The following PSD3 variants were observed in gnomAD, a reference collection of about 807,000 sequenced individuals.
PSD3 encodes the protein pleckstrin and Sec7 domain containing 3.
In PSD3, 49 loss-of-function variants were observed where a neutral mutation model predicts 105.5. That is an observed-to-expected ratio of 0.46 (90% CI 0.37 to 0.59). PSD3 has a LOEUF of 0.59. PSD3 is among the 20% of genes least tolerant of loss of function. The pLI is 0.00. For missense variants in PSD3, 1,561 were observed against 1,263.8 expected (o/e 1.24, Z -3.57); for synonymous variants, 557 against 457.8 (o/e 1.22, Z -2.77).
intron 4 of PSD3, among the ~76,000 whole-genome samples, chr8:18,809,562 C>A (rs555512058): frequency 6.6e-6 from 1 of 152,314 alleles, no homozygotes; most frequent in South Asian, 2.1e-4. Context: ...CCAAATACTG[C>A]ACAGGACATA....
At chr8:18,994,864 T>A (rs28430594) in intron 1 of PSD3, among the ~76,000 whole-genome samples, 1 of 151,530 alleles carries the variant, frequency 6.6e-6, no homozygotes, top group Non-Finnish European at 1.5e-5. Context: ...AGAAACTAAA[T>A]GTAGAATTTA....
chr8:18,774,474 C>G (rs998822420), intron 8 of PSD3: 2 of 217,604 alleles, frequency 9.2e-6, no homozygotes, highest in Non-Finnish European at 1.8e-5. Context: ...CGTGTTCCTT[C>G]TAACTGTATT....
At chr8:19,074,460 T>C (rs62499160) in intron 1 of PSD3, among the ~76,000 whole-genome samples, 1 of 151,994 alleles carries the variant, frequency 6.6e-6, no homozygotes, top group Non-Finnish European at 1.5e-5. Context: ...TCTTAAATGA[T>C]GCATATTTTT....
intron 8 of PSD3, among the ~76,000 whole-genome samples, chr8:18,767,857 C>G (rs1807153079): frequency 6.6e-6 from 1 of 152,074 alleles, no homozygotes; most frequent in African/African-American, 2.4e-5. Context: ...TCACGCTATT[C>G]TTTCGTAAAA....
At chr8:19,010,993 T>C (rs1826925341) in intron 1 of PSD3, among the ~76,000 whole-genome samples, 2 of 151,274 alleles carry the variant, frequency 1.3e-5, no homozygotes, top group African/African-American at 4.9e-5. Context: ...ATAAGCCTGA[T>C]TCACATACTA....
intron 8 of PSD3, among the ~76,000 whole-genome samples, chr8:18,793,238 G>A (rs773021364): frequency 2.6e-5 from 4 of 151,908 alleles, no homozygotes; most frequent in Non-Finnish European, 5.9e-5. Flanking sequence ...AAGTTAACAG[G>A]TGCAGCACAC....
chr8:18,921,963 T>C (rs372209747), intron 2 of PSD3, among the ~76,000 whole-genome samples: 27 of 152,246 alleles, frequency 1.8e-4, no homozygotes, highest in African/African-American at 6.5e-4. Context: ...TTACATGAAA[T>C]CTCCCAGTTT....
At chr8:18,701,568 T>C (rs959242366) in intron 9 of PSD3, among the ~76,000 whole-genome samples, 1 of 152,204 alleles carries the variant, frequency 6.6e-6, no homozygotes, top group African/African-American at 2.4e-5. Context: ...CAAATGTGTA[T>C]GTACTAGTCT....
rs979244825 is a variant in PSD3 at position 18,754,729 on chromosome 8, A to AT, written c.2172+10719dup. Among the ~76,000 whole-genome samples, 3 of 151,984 alleles carry AT rather than the reference A, an allele frequency of 2.0e-5. No individual in the cohort carries two copies. In the East Asian group the frequency reaches 5.8e-4, roughly 29 times the overall value. ...ATTCTGGCTGTTGAGAGTTATTTTT[A>AT]TTTTTTTGCTTGTTTTCACTTTTTT... is the stretch of plus-strand genomic sequence containing the variant. On this transcript the variant is annotated intron_variant, in intron 9 of 15. Transcript: ENST00000327040.
intron 2 of PSD3, among the ~76,000 whole-genome samples, chr8:18,911,268 G>C (rs567258008): frequency 6.6e-6 from 1 of 152,176 alleles, no homozygotes; most frequent in Non-Finnish European, 1.5e-5. Flanking sequence ...TAAAGCCAGA[G>C]AAGTTAAATA....
rs148089603 is a variant in PSD3 at position 18,826,215 on chromosome 8, C to T, written c.1635-21317G>A. On this transcript the variant is annotated intron_variant, in intron 4 of 15. Transcript: ENST00000327040. ...ATTATCAGCTCTCTGTCGCTCAGGC[C>T]TTCCAACAACACCAGAGGCTTCCCT... Among the ~76,000 whole-genome samples the T allele has an allele frequency of 6.7e-3, 1,015 of 152,288 alleles. 9 individuals are homozygous for T. Among genetic ancestry groups the T allele is most frequent in the Middle Eastern group, 0.017 (5 of 294 alleles).
intron 1 of PSD3, among the ~76,000 whole-genome samples, chr8:19,046,915 A>T (rs982307279): frequency 1.3e-5 from 2 of 152,238 alleles, no homozygotes; most frequent in African/African-American, 4.8e-5. Flanking sequence ...TTTGCATCTC[A>T]GGTGAACACT....
At chr8:18,906,842 G>A (rs1003356977) in intron 2 of PSD3, among the ~76,000 whole-genome samples, 3 of 152,040 alleles carry the variant, frequency 2.0e-5, no homozygotes, top group Non-Finnish European at 2.9e-5. Flanking sequence ...ATACATACAC[G>A]TAAGATTACA....
At chr8:18,680,098 C>G (rs149351882) in intron 9 of PSD3, among the ~76,000 whole-genome samples, 1 of 152,238 alleles carries the variant, frequency 6.6e-6, no homozygotes, top group African/African-American at 2.4e-5. Context: ...TCAACATGAA[C>G]TTTTACAGAT....
rs1554468969 is a variant in PSD3, at chr8:18,677,963, T to TCC, written c.2173-22279_2173-22278insGG. 7.0e-3 allele frequency among the ~76,000 whole-genome samples: 1,027 copies of TCC among 147,392 alleles called. 14 individuals carry two copies. The highest frequency in any genetic ancestry group is 0.025 in the African/African-American group (979 of 39,314). ...AGGCAGAGCTTGCAGTGAGCCGAGA[T>TCC]CAGGCCACTGCACTCCAGCCTGGGC... is the stretch of plus-strand genomic sequence containing the variant. On this transcript the variant is annotated intron_variant, in intron 9 of 15. Transcript: ENST00000327040.
At chr8:18,779,199 G>C (rs904566800) in intron 8 of PSD3, among the ~76,000 whole-genome samples, 3 of 152,074 alleles carry the variant, frequency 2.0e-5, no homozygotes, top group Non-Finnish European at 1.5e-5. Context: ...CTCATGTCCA[G>C]GAATGAATCT....
chr8:18,767,946 G>C (rs1040299816), intron 8 of PSD3, among the ~76,000 whole-genome samples: 75 of 151,666 alleles, frequency 4.9e-4, no homozygotes, highest in African/African-American at 1.7e-3. Context: ...TATTCAAAAT[G>C]AGAAAGCAGA....
At chr8:18,806,685 C>A (rs1191002147) in intron 4 of PSD3, among the ~76,000 whole-genome samples, 1 of 152,180 alleles carries the variant, frequency 6.6e-6, no homozygotes, top group Non-Finnish European at 1.5e-5. Context: ...CCTTAAAAAA[C>A]CTAAGAGCCA....
chr8:18,562,123 G>A (rs1464977682), intron 14 of PSD3, among the ~76,000 whole-genome samples: 2 of 152,132 alleles, frequency 1.3e-5, no homozygotes, highest in Admixed American at 6.5e-5. Flanking sequence ...TTATCCATCC[G>A]CGAACCTCAC....
Sources: gnomAD v4.1 joint callset for allele counts (sites outside exome capture counted in the v4.1 genomes callset) on GRCh38, gnomAD v4.1.1 for gene constraint, MANE v1.5 for transcripts, NCBI Gene and HGNC (gene_info 2026-07-23, HGNC 2026-07-21) for gene names.